The following PHACTR3 variants were observed in gnomAD, a reference collection of about 807,000 sequenced individuals.
The protein encoded by PHACTR3 is phosphatase and actin regulator 3, also known as protein phosphatase 1, regulatory subunit 123.
Under a neutral mutation model 66.8 loss-of-function variants are expected in PHACTR3, and 16 were observed. That is an observed-to-expected ratio of 0.24 (90% confidence interval 0.16 to 0.36). The LOEUF is 0.36. Among genes scored for constraint, PHACTR3 ranks in the 10% least tolerant of loss-of-function variants. PHACTR3 has a pLI of 1.00. For missense variants in PHACTR3, 647 were observed against 719.9 expected (o/e 0.90, Z 1.16); for synonymous variants, 323 against 292.1 (o/e 1.11, Z -1.08).
intron 9 of PHACTR3, among the ~76,000 whole-genome samples, chr20:59,838,219 G>T (rs2058998240): frequency 6.6e-6 from 1 of 152,066 alleles, no homozygotes; most frequent in Non-Finnish European, 1.5e-5. Context: ...GTGGGTGTTT[G>T]GTTTTACTTT....
At chr20:59,779,822 G>T (rs889155701) in intron 7 of PHACTR3, among the ~76,000 whole-genome samples, 3 of 152,258 alleles carry the variant, frequency 2.0e-5, no homozygotes, top group African/African-American at 4.8e-5. Context: ...TGCACATGGG[G>T]TGCCTTCGTG....
At chr20:59,802,876 A>G (rs2041458276) in intron 7 of PHACTR3, among the ~76,000 whole-genome samples, 1 of 152,224 alleles carries the variant, frequency 6.6e-6, no homozygotes, top group South Asian at 2.1e-4. Flanking sequence ...TTTGCCAATA[A>G]AGAGTTCCAT....
intron 8 of PHACTR3, among the ~76,000 whole-genome samples, chr20:59,834,545 G>GA (rs2042471488): frequency 6.6e-6 from 1 of 152,188 alleles, no homozygotes; most frequent in Non-Finnish European, 1.5e-5. Context: ...AGTGGATTCT[G>GA]TGTAACTCTC....
At chr20:59,788,448 C>G (rs896535588) in intron 7 of PHACTR3, among the ~76,000 whole-genome samples, 1 of 152,060 alleles carries the variant, frequency 6.6e-6, no homozygotes, top group Non-Finnish European at 1.5e-5. Flanking sequence ...CTCTCATTAA[C>G]CTCCAACCCT....
At chr20:59,660,335 A>G (rs928976471) in intron 1 of PHACTR3, among the ~76,000 whole-genome samples, 4 of 152,234 alleles carry the variant, frequency 2.6e-5, no homozygotes, top group Non-Finnish European at 5.9e-5. Flanking sequence ...TCTACTAAAA[A>G]TACAAAAAAT....
intron 7 of PHACTR3, among the ~76,000 whole-genome samples, chr20:59,786,528 C>G (rs2040920674): frequency 6.6e-6 from 1 of 152,222 alleles, no homozygotes; most frequent in African/African-American, 2.4e-5. Flanking sequence ...TGGAGCCATC[C>G]TGAAACTTCA....
At chr20:59,689,279 C>A (rs1390464008) in intron 1 of PHACTR3, among the ~76,000 whole-genome samples, 2 of 152,206 alleles carry the variant, frequency 1.3e-5, no homozygotes, top group Non-Finnish European at 2.9e-5. Context: ...CCAAGCAGGG[C>A]AGAACTCAGT....
chr20:59,676,980 A>G (rs1355825740), intron 1 of PHACTR3, among the ~76,000 whole-genome samples: 1 of 150,406 alleles, frequency 6.6e-6, no homozygotes. Flanking sequence ...GGTCATTTTT[A>G]TGTATCAAGG....
intron 1 of PHACTR3, among the ~76,000 whole-genome samples, chr20:59,607,579 C>G (rs2033712288): frequency 6.6e-6 from 1 of 152,250 alleles, no homozygotes; most frequent in Non-Finnish European, 1.5e-5. Flanking sequence ...AAGCATTCTT[C>G]AAAAGGTGAG....
At chr20:59,583,982 C>T (rs1053619881) in intron 1 of PHACTR3, among the ~76,000 whole-genome samples, 1 of 152,248 alleles carries the variant, frequency 6.6e-6, no homozygotes, top group African/African-American at 2.4e-5. Flanking sequence ...TTGGGCCTCA[C>T]ACTACGAAGT....
intron 1 of PHACTR3, among the ~76,000 whole-genome samples, chr20:59,686,542 G>T (rs1229915264): frequency 6.7e-6 from 1 of 149,136 alleles, no homozygotes. Context: ...GATGATGATG[G>T]TCGTGATGAT....
intron 1 of PHACTR3, among the ~76,000 whole-genome samples, chr20:59,638,484 G>A (rs141528982): frequency 1.2e-4 from 18 of 146,908 alleles, no homozygotes; most frequent in Non-Finnish European, 1.1e-4. Context: ...ATGGATGGAT[G>A]GATGGATGGA....
rs532336176 is a variant in PHACTR3 at position 59,820,252 on chromosome 20, G to A, written c.1328+14058G>A. Among the ~76,000 whole-genome samples the A allele has an allele frequency of 3.9e-5, 6 of 152,298 alleles. No individual in the cohort carries two copies. Among genetic ancestry groups the A allele is most frequent in the South Asian group, 2.1e-4 (1 of 4,820 alleles). ...TTTCAAGGATTTGTTGCAAAAATGC[G>A]AAGGAGCTCACGAGGCAGTGCTGTG... is the stretch of plus-strand genomic sequence containing the variant. On this transcript the variant is annotated intron_variant, in intron 8 of 12. Transcript: ENST00000371015. This position sits in a 1 kb window ranked among gnomAD's most constrained non-coding sequence, Gnocchi z 4.6.
intron 1 of PHACTR3, among the ~76,000 whole-genome samples, chr20:59,704,558 T>G (rs908076217): frequency 8.2e-5 from 11 of 134,104 alleles, no homozygotes; most frequent in Non-Finnish European, 6.3e-5. Context: ...CTCCTGAGAA[T>G]AGTCTTTTTT....
In PHACTR3 at chr20:59,633,416, C is replaced by A. The variant is rs555638215; in HGVS notation, c.118+28284C>A. Among the ~76,000 whole-genome samples the A allele has an allele frequency of 3.5e-4, 54 of 152,250 alleles. 1 individual carries two copies. Among genetic ancestry groups the A allele is most frequent in the Non-Finnish European group, 1.3e-4 (9 of 68,026 alleles). On this transcript the variant is annotated intron_variant, in intron 1 of 12. Transcript: ENST00000371015. ...TAACACAGGAACAGAAAACCAAATA[C>A]CACATGCTCTCACTTATAAGTGGGA...
chr20:59,742,454 CTGCTCACAGACG>C (rs201747176), intron 1 of PHACTR3, among the ~76,000 whole-genome samples: 5,016 of 116,450 alleles, frequency 0.043, 99 homozygotes, highest in African/African-American at 0.079. Context: ...CTTCCTCTGC[CTGCTCACAGACG>C]TGCTCACAGA....
intron 1 of PHACTR3, among the ~76,000 whole-genome samples, chr20:59,621,570 G>A (rs1012038698): frequency 4.6e-5 from 7 of 152,176 alleles, no homozygotes; most frequent in African/African-American, 9.7e-5. Flanking sequence ...TCTTGCCCTC[G>A]TGGATGGCCC....
chr20:59,610,724 A>C (rs1321327927), intron 1 of PHACTR3, among the ~76,000 whole-genome samples: 1 of 152,150 alleles, frequency 6.6e-6, no homozygotes, highest in African/African-American at 2.4e-5. Flanking sequence ...TTGGATTGTA[A>C]GCTCCCTGAG....
chr20:59,751,577 G>A (rs941816746), intron 3 of PHACTR3, among the ~76,000 whole-genome samples: 1 of 152,174 alleles, frequency 6.6e-6, no homozygotes, highest in Admixed American at 6.5e-5. Flanking sequence ...GCAGAAGAGA[G>A]CCCGCCAGCT....
Sources: gnomAD v4.1 joint callset for allele counts (sites outside exome capture counted in the v4.1 genomes callset) on GRCh38, gnomAD v4.1.1 for gene constraint, Gnocchi (gnomAD v3.1) non-coding constraint, MANE v1.5 for transcripts, NCBI Gene and HGNC (gene_info 2026-07-23, HGNC 2026-07-21) for gene names.